Variants in CDC45 observed in about 807,000 individuals in gnomAD.
CDC45 encodes the protein cell division cycle 45.
CDC45 carries 54 observed loss-of-function variants against 77.8 expected under a neutral mutation model. The ratio of observed to expected loss-of-function variants is 0.69; its 90% CI spans 0.56 to 0.87. The LOEUF is 0.87. CDC45 is among the 40% of genes least tolerant of loss of function. CDC45 has a pLI of 0.00. For synonymous variants in CDC45, 260 were observed against 272.1 expected, an observed-to-expected ratio of 0.96 and a Z score of 0.44; for missense variants, 649 against 721.6, an observed-to-expected ratio of 0.90 and a Z score of 1.15.
intron 5 of CDC45, among the ~76,000 whole-genome samples, chr22:19,484,935 T>TG (rs981615307): frequency 4.0e-5 from 5 of 124,432 alleles, no homozygotes; most frequent in East Asian, 2.2e-4. Context: ...TTTTGTTTTT[T>TG]GTTTTTTTTT....
intron 5 of CDC45, among the ~76,000 whole-genome samples, chr22:19,486,308 T>C (rs1043742795): frequency 3.3e-5 from 5 of 152,258 alleles, no homozygotes; most frequent in African/African-American, 1.2e-4. Flanking sequence ...TATCATGTAA[T>C]ATTCAGCCCA....
At chr22:19,495,275 GC>G (rs1283698512) in intron 6 of CDC45, among the ~76,000 whole-genome samples, 1 of 152,190 alleles carries the variant, frequency 6.6e-6, no homozygotes, top group African/African-American at 2.4e-5. Flanking sequence ...TTTCTAAACA[GC>G]CTAGTACTTA....
At chr22:19,492,788 T>C (rs935112366) in intron 5 of CDC45, among the ~76,000 whole-genome samples, 1 of 152,140 alleles carries the variant, frequency 6.6e-6, no homozygotes, top group African/African-American at 2.4e-5. Context: ...TGATGCCAGG[T>C]AGAGGTAAAA....
Position 19,480,102 on chromosome 22 carries a change from A to G in CDC45, c.52-56A>G. On this transcript the variant is annotated intron_variant, in intron 1 of 18. Transcript: ENST00000263201. Reference sequence around the variant, plus strand: ...GAGCGACCGTGGGTGACCGGGAGGCAGGGGAGGGCCGGGGTTCGGGTCGCC... The same window carrying G: ...GAGCGACCGTGGGTGACCGGGAGGCGGGGGAGGGCCGGGGTTCGGGTCGCC... 4 of 1,609,970 alleles carry G rather than the reference A, an allele frequency of 2.5e-6. No individual in the cohort carries two copies. In the South Asian group the frequency reaches 4.4e-5, roughly 18 times the overall value.
At chr22:19,505,591 G>A (rs1276173062) in intron 10 of CDC45, 110 bp downstream of exon 10, 2 of 1,270,330 alleles carry the variant, frequency 1.6e-6, no homozygotes, top group Admixed American at 1.9e-5. Context: ...AGGGAAAGCA[G>A]GTGGGGCAGG....
At chr22:19,499,030 C>A in intron 8 of CDC45, 71 bp from the exon 9 acceptor site, 1 of 1,503,858 alleles carries the variant, frequency 6.6e-7, no homozygotes, top group East Asian at 2.3e-5. Flanking sequence ...TCCATCATCT[C>A]ACTCCATCCC....
chr22:19,485,666 T>A (rs1384895906), intron 5 of CDC45, among the ~76,000 whole-genome samples: 1 of 152,262 alleles, frequency 6.6e-6, no homozygotes, highest in African/African-American at 2.4e-5. Flanking sequence ...TGTTTGTAAA[T>A]GTTTAACATA....
upstream of CDC45, chr22:19,479,875 A>C (rs967570274): frequency 1.6e-6 from 2 of 1,270,236 alleles, no homozygotes; most frequent in Admixed American, 3.4e-5. Flanking sequence ...TGATCCCTGG[A>C]CCAATCGGAG....
intron 4 of CDC45, among the ~76,000 whole-genome samples, chr22:19,483,625 T>G (rs1053793548): frequency 6.6e-6 from 1 of 152,218 alleles, no homozygotes; most frequent in Non-Finnish European, 1.5e-5. Context: ...CTCAAAGAAC[T>G]GTTTTCAGAT....
At position 19,507,831 on chromosome 22, in the gene CDC45, G is replaced by T; in HGVS notation, c.1022G>T (p.Arg341Leu). Residue 341 changes from arginine to leucine, a missense_variant, in exon 12 of 19, where the codon CGG becomes CTG. Transcript: ENST00000263201. The part of the protein sequence containing the change: ...AMDISLKENL[R>L]EMIEESANKF... ...GACATCTCCTTGAAGGAGAATTTGC[G>T]GGAAATGATTGAAGAGTCTGCAAAT... 1 of 1,599,656 alleles carries T rather than the reference G, an allele frequency of 6.3e-7. No homozygotes were observed. Among genetic ancestry groups the T allele is most frequent in the Non-Finnish European group, 8.5e-7 (1 of 1,175,876 alleles).
At chr22:19,491,391 G>A (rs2090151137) in intron 5 of CDC45, among the ~76,000 whole-genome samples, 1 of 150,858 alleles carries the variant, frequency 6.6e-6, no homozygotes, top group Admixed American at 6.6e-5. Flanking sequence ...GAGAGCTACT[G>A]GAGATAAATT....
At chr22:19,482,572 G>C in intron 3 of CDC45, 118 bp from the exon 4 acceptor site, 2 of 1,102,478 alleles carry the variant, frequency 1.8e-6, no homozygotes, top group East Asian at 2.4e-5. Flanking sequence ...CTTGCCACGT[G>C]GGCCTCGCCA....
At chr22:19,497,686 A>G (rs990636705) in intron 8 of CDC45, among the ~76,000 whole-genome samples, 3 of 152,188 alleles carry the variant, frequency 2.0e-5, no homozygotes, top group Non-Finnish European at 4.4e-5. Context: ...AATACAGTAC[A>G]GCTTCACCTT....
chr22:19,480,864 C>T (rs1472936218), intron 2 of CDC45, 89 bp from the exon 3 acceptor site: 2 of 797,398 alleles, frequency 2.5e-6, no homozygotes, highest in Middle Eastern at 2.3e-4. Flanking sequence ...TCTTTTGTCT[C>T]TCAACCCGTC....
rs756575320 is a variant in CDC45, at chr22:19,515,063, GGGTGCTGTGGGTACAGGAGGGCA to G, written c.1440+22_1440+44del. On this transcript the variant is annotated intron_variant, in intron 15 of 18. Transcript: ENST00000263201. ...TTGTGTGTTCGGTGAGGGGCCAGGC[GGGTGCTGTGGGTACAGGAGGGCA>G]GGTGCTTGGAGAGCTCCCTGGATGG... 1.3e-6 allele frequency: 2 copies of G among 1,582,740 alleles called. No individual in the cohort carries two copies. The highest frequency in any genetic ancestry group is 1.7e-6 in the Non-Finnish European group (2 of 1,162,372).
intron 10 of CDC45, among the ~76,000 whole-genome samples, chr22:19,506,034 G>A: frequency 6.6e-6 from 1 of 152,118 alleles, no homozygotes; most frequent in Non-Finnish European, 1.5e-5. Context: ...TTTGAGTCAG[G>A]GTTTTTAAAA....
At chr22:19,509,287 G>A (rs1330942304) in intron 13 of CDC45, among the ~76,000 whole-genome samples, 3 of 152,336 alleles carry the variant, frequency 2.0e-5, no homozygotes, top group East Asian at 1.9e-4. Context: ...AGGCTAAGGG[G>A]ACACTTTTAT....
chr22:19,508,224 CCA>C (rs1933313652), intron 12 of CDC45, among the ~76,000 whole-genome samples: 2 of 152,166 alleles, frequency 1.3e-5, no homozygotes, highest in African/African-American at 2.4e-5. Context: ...CCGACCAAGT[CCA>C]TGGGCACTCC....
Position 19,508,621 on chromosome 22 carries a change from T to G in CDC45, c.1147T>G (p.Leu383Val), listed in dbSNP as rs1038223192. Reference protein sequence around the residue: ...ASDVVFATMSLMESPEKDGSG... With the variant: ...ASDVVFATMSVMESPEKDGSG... The stretch of plus-strand genomic sequence containing the variant: ...CGACGTGGTCTTTGCCACCATGTCT[T>G]TGATGGAGAGCCCCGAGAAGGATGG... Residue 383 changes from leucine to valine, a missense_variant, in exon 13 of 19, where the codon TTG becomes GTG. Leu to Val is a conservative substitution (Grantham distance 32, BLOSUM62 1). Coordinates refer to ENST00000263201, the MANE Select transcript of CDC45 (RefSeq NM_003504.5). 8.1e-6 allele frequency: 13 copies of G among 1,614,084 alleles called. No homozygotes were observed. The highest frequency in any genetic ancestry group is 1.3e-5 in the African/African-American group (1 of 74,938).
Sources: allele counts gnomAD v4.1 joint callset (sites outside exome capture counted in the v4.1 genomes callset), GRCh38; gene constraint gnomAD v4.1.1; transcripts MANE v1.5; gene names NCBI Gene and HGNC (gene_info 2026-07-23, HGNC 2026-07-21).